RAP1GDS1: variants seen among roughly 807,000 people sequenced by gnomAD.
The protein encoded by RAP1GDS1 is Rap1 GTPase-GDP dissociation stimulator 1, also known as RAP1, GTP-GDP dissociation stimulator 1.
In RAP1GDS1, 35 loss-of-function variants were observed where a neutral mutation model predicts 71.1. That is an observed-to-expected ratio of 0.49 (90% confidence interval 0.38 to 0.65). The LOEUF (loss-of-function observed/expected upper bound fraction) is 0.65. Among genes scored for constraint, RAP1GDS1 ranks in the 30% least tolerant of loss-of-function variants. The probability of loss-of-function intolerance (pLI) is 0.00; values close to 1 mark genes in which losing one functional copy is unlikely to be tolerated. For synonymous variants in RAP1GDS1, 229 were observed against 243.1 expected, an observed-to-expected ratio of 0.94 and a Z score of 0.54; for missense variants, 663 against 706.1, an observed-to-expected ratio of 0.94 and a Z score of 0.69.
At chr4:98,320,474 A>G (rs935480196) in intron 2 of RAP1GDS1, among the ~76,000 whole-genome samples, 1 of 152,240 alleles carries the variant, frequency 6.6e-6, no homozygotes, top group Non-Finnish European at 1.5e-5. Context: ...GCTCCGGTCT[A>G]CAGCTCCCAG....
At chr4:98,375,800 T>G (rs1741087869) in intron 4 of RAP1GDS1, among the ~76,000 whole-genome samples, 5 of 152,170 alleles carry the variant, frequency 3.3e-5, no homozygotes, top group Admixed American at 3.3e-4. Context: ...TACTAGGCAT[T>G]TGCCATACAC....
rs191294609 is a variant in RAP1GDS1, at chr4:98,378,510, C to T, written c.362-507C>T. 4.7e-3 allele frequency among the ~76,000 whole-genome samples: 708 copies of T among 151,998 alleles called. 7 individuals are homozygous for T. Among genetic ancestry groups the T allele is most frequent in the Non-Finnish European group, 8.4e-3 (573 of 67,852 alleles). On this transcript the variant is annotated intron_variant, in intron 4 of 14. Coordinates refer to ENST00000408927, the MANE Select transcript of RAP1GDS1 (RefSeq NM_001100427.2). ...TTACCTATTATGATTTAGAGTTACA[C>T]CATATGGTTTTCTTTAATAAGAGCT...
At chr4:98,414,573 A>G (rs907282708) in intron 7 of RAP1GDS1, among the ~76,000 whole-genome samples, 1 of 150,700 alleles carries the variant, frequency 6.6e-6, no homozygotes, top group Non-Finnish European at 1.5e-5. Flanking sequence ...CCAATGATCT[A>G]TATCTCTGTT....
intron 2 of RAP1GDS1, among the ~76,000 whole-genome samples, chr4:98,308,285 TAC>T (rs201230303): frequency 2.4e-4 from 27 of 113,942 alleles, no homozygotes; most frequent in African/African-American, 6.7e-4. Flanking sequence ...CACATATATA[TAC>T]ACACACACAC....
At chr4:98,432,218 A>G (rs548506644) in intron 12 of RAP1GDS1, among the ~76,000 whole-genome samples, 3 of 152,186 alleles carry the variant, frequency 2.0e-5, no homozygotes, top group Non-Finnish European at 4.4e-5. Context: ...TTCATTTCTG[A>G]TGTACACATT....
At chr4:98,369,573 CA>C (rs1253028330) in intron 4 of RAP1GDS1, among the ~76,000 whole-genome samples, 1 of 152,148 alleles carries the variant, frequency 6.6e-6, no homozygotes, top group Admixed American at 6.5e-5. Flanking sequence ...GGATGAATCT[CA>C]AAATCATTAG....
At chr4:98,294,095 T>C (rs1727372045) in intron 2 of RAP1GDS1, among the ~76,000 whole-genome samples, 1 of 152,132 alleles carries the variant, frequency 6.6e-6, no homozygotes, top group South Asian at 2.1e-4. Flanking sequence ...TGCACAGTTC[T>C]TCATTGACCA....
intron 5 of RAP1GDS1, among the ~76,000 whole-genome samples, chr4:98,389,311 TCTC>T (rs1560943638): frequency 6.7e-6 from 1 of 149,224 alleles, no homozygotes; most frequent in African/African-American, 2.6e-5. Context: ...GTTTTTTTTT[TCTC>T]TCTCTCTCCT....
Position 98,348,961 on chromosome 4 carries a change from CTTTAG to C in RAP1GDS1, c.236-3510_236-3506del, listed in dbSNP as rs574874194. On this transcript the variant is annotated intron_variant, in intron 3 of 14. Transcript: ENST00000408927. The stretch of plus-strand genomic sequence containing the variant: ...TAGTTTCTTTTGCAATGCAGAAGCT[CTTTAG>C]TTTAATTAGATCCCATTTGTCAATT... Among the ~76,000 whole-genome samples the C allele has an allele frequency of 2.6e-3, 389 of 152,248 alleles. 1 individual carries two copies. The highest frequency in any genetic ancestry group is 0.01 in the Middle Eastern group (3 of 294).
chr4:98,404,713 T>C, intron 7 of RAP1GDS1, 111 bp downstream of exon 7: 1 of 1,315,900 alleles, frequency 7.6e-7, no homozygotes, highest in African/African-American at 1.5e-5. Context: ...TTATTAGTGA[T>C]ATGTTTTATT....
intron 12 of RAP1GDS1, among the ~76,000 whole-genome samples, chr4:98,426,017 G>T (rs1403930302): frequency 4.0e-5 from 6 of 151,898 alleles, no homozygotes; most frequent in Non-Finnish European, 8.8e-5. Flanking sequence ...TGAAATTATG[G>T]CAAGTACTCT....
chr4:98,424,136 G>A (rs1749277829), intron 12 of RAP1GDS1, among the ~76,000 whole-genome samples: 1 of 152,048 alleles, frequency 6.6e-6, no homozygotes, highest in South Asian at 2.1e-4. Flanking sequence ...TCCAAGTTTG[G>A]GGTTTACCAC....
intron 2 of RAP1GDS1, among the ~76,000 whole-genome samples, chr4:98,315,420 G>A (rs1730795456): frequency 6.6e-6 from 1 of 152,122 alleles, no homozygotes; most frequent in Non-Finnish European, 1.5e-5. Flanking sequence ...AACAATTACA[G>A]TGCTGTGTGT....
chr4:98,279,699 T>G (rs1724773337), intron 1 of RAP1GDS1, among the ~76,000 whole-genome samples: 1 of 152,158 alleles, frequency 6.6e-6, no homozygotes, highest in Admixed American at 6.5e-5. Context: ...CATGTTGGTT[T>G]GCTGTACCCA....
rs143264221 is a variant in RAP1GDS1 at position 98,298,373 on chromosome 4, A to G, written c.112+4858A>G. Among the ~76,000 whole-genome samples the G allele has an allele frequency of 9.8e-5, 15 of 152,290 alleles. No homozygotes were observed. The East Asian group carries it at 1.5e-3, about 16-fold the overall frequency. ...GATGCCACCTAGGACTTTTATAACT[A>G]GGGTGGAGAGGTCAATGCCTGGCTT... On this transcript the variant is annotated intron_variant, in intron 2 of 14. Coordinates refer to ENST00000408927, the MANE Select transcript of RAP1GDS1 (RefSeq NM_001100427.2).
chr4:98,314,687 T>G (rs1327423530), intron 2 of RAP1GDS1, among the ~76,000 whole-genome samples: 1 of 152,162 alleles, frequency 6.6e-6, no homozygotes, highest in Non-Finnish European at 1.5e-5. Context: ...CTGGAGAGTT[T>G]AGTGGTCTAC....
At chr4:98,361,076 C>CA (rs1210869882) in intron 4 of RAP1GDS1, among the ~76,000 whole-genome samples, 2,215 of 81,926 alleles carry the variant, frequency 0.027, 31 homozygotes, top group East Asian at 0.076. Context: ...GACTCTGTCT[C>CA]AAAAAAAAAA....
chr4:98,421,703 C>G (rs1203861483), intron 12 of RAP1GDS1, among the ~76,000 whole-genome samples: 1 of 151,960 alleles, frequency 6.6e-6, no homozygotes, highest in Non-Finnish European at 1.5e-5. Context: ...TTAAATGGTA[C>G]CTAGATAGTA....
chr4:98,439,884 A>G (rs1263948652), intron 14 of RAP1GDS1, among the ~76,000 whole-genome samples: 1 of 152,208 alleles, frequency 6.6e-6, no homozygotes, highest in Non-Finnish European at 1.5e-5. Context: ...ATACAGTTTA[A>G]TGGCATTAAG....
Sources: gnomAD v4.1 joint callset for allele counts (sites outside exome capture counted in the v4.1 genomes callset) on GRCh38, gnomAD v4.1.1 for gene constraint, MANE v1.5 for transcripts, NCBI Gene and HGNC (gene_info 2026-07-23, HGNC 2026-07-21) for gene names.